MKX: variants seen among roughly 807,000 people sequenced by gnomAD.
The protein encoded by MKX is mohawk homeobox.
In MKX, 13 loss-of-function variants were observed where a neutral mutation model predicts 36.0. The ratio of observed to expected loss-of-function variants is 0.36; its 90% confidence interval spans 0.24 to 0.57. MKX has a LOEUF of 0.57. Among genes scored for constraint, MKX ranks in the 20% least tolerant of loss-of-function variants. The pLI is 0.79. For synonymous variants in MKX, 176 were observed against 178.3 expected, an observed-to-expected ratio of 0.99 and a Z score of 0.10; for missense variants, 458 against 456.4, an observed-to-expected ratio of 1.00 and a Z score of -0.03.
Position 27,736,806 on chromosome 10 carries a change from A to G in MKX, c.349-1432T>C, listed in dbSNP as rs182990984. Among the ~76,000 whole-genome samples, 9 of 152,228 alleles carry G rather than the reference A, an allele frequency of 5.9e-5. No homozygotes were observed. In the East Asian group the frequency reaches 1.7e-3, roughly 29 times the overall value. ...GTATTTAATATTCAATATAGTTAAT[A>G]TTGTCTTCTTTGTACCTGAAGCAAT... On this transcript the variant is annotated intron_variant, in intron 3 of 6. Transcript: ENST00000419761.
Position 27,673,640 on chromosome 10 carries a change from AATAT to A in MKX, c.*1585_*1588del, listed in dbSNP as rs3063015. The A allele has an allele frequency of 2.6e-5, 4 of 152,150 alleles. No individual in the cohort carries two copies. The East Asian group carries it at 5.8e-4, about 22-fold the overall frequency. 9.4% of individuals were successfully genotyped at this position (152,150 alleles called of 1,614,324 possible). On this transcript the variant is annotated 3_prime_UTR_variant, in exon 7 of 7. Transcript: ENST00000419761. ...ACAGCAATTTAGAAAACAAAGTAAA[AATAT>A]ATATATATACACAAAATATTTTTAT...
chr10:27,709,143 T>C (rs1836808846), intron 5 of MKX, among the ~76,000 whole-genome samples: 1 of 151,748 alleles, frequency 6.6e-6, no homozygotes, highest in African/African-American at 2.4e-5. Context: ...CACTCCAGCC[T>C]GGGTGACAAA....
chr10:27,678,217 G>T (rs560895410), intron 5 of MKX, among the ~76,000 whole-genome samples: 2 of 152,210 alleles, frequency 1.3e-5, no homozygotes, highest in East Asian at 1.9e-4. Flanking sequence ...CAGAGACAAG[G>T]CGCTACCAGA....
At position 27,674,226 on chromosome 10, in the gene MKX, T is replaced by G. The variant is rs1417223480; in HGVS notation, c.*1003A>C. The G allele has an allele frequency of 1.3e-5, 2 of 152,278 alleles. No individual in the cohort carries two copies. Among genetic ancestry groups the G allele is most frequent in the African/African-American group, 4.8e-5 (2 of 41,464 alleles). 9.4% of individuals were successfully genotyped at this position (152,278 alleles called of 1,614,324 possible). On this transcript the variant is annotated 3_prime_UTR_variant, in exon 7 of 7. Coordinates refer to ENST00000419761, the MANE Select transcript of MKX (RefSeq NM_173576.3). ...TAAATTTAAAAATCAATTTTATGTA[T>G]GTATATGTATAGCCGCACAGAGATA...
rs1564357157 is a variant in MKX at position 27,711,510 on chromosome 10, C to CT, written c.838+22945_838+22946insA. On this transcript the variant is annotated intron_variant, in intron 5 of 6. Transcript: ENST00000419761. ...CTCTCTCTCTCTTCTTTCCTTCCTT[C>CT]CTTCCTTCCTTCCTTCCTTCCTTCC... Among the ~76,000 whole-genome samples the CT allele has an allele frequency of 1.3e-3, 154 of 114,764 alleles. 3 individuals carry two copies. Among genetic ancestry groups the CT allele is most frequent in the African/African-American group, 6.5e-3 (148 of 22,820 alleles). 75.3% of individuals were successfully genotyped at this position (114,764 alleles called of 152,430 possible). A position where few individuals can be genotyped will look rare whatever the true frequency, so the allele number is the denominator to read the frequency against.
rs552406354 is a variant in MKX at position 27,684,964 on chromosome 10, T to C, written c.839-9410A>G. 2.6e-5 allele frequency among the ~76,000 whole-genome samples: 4 copies of C among 152,352 alleles called. No homozygotes were observed. The East Asian group carries it at 7.7e-4, about 29-fold the overall frequency. ...GTTAATATTTATTGAATGCTTATTC[T>C]ATGCCAGACACTATGCCAGAAACGA... On this transcript the variant is annotated intron_variant, in intron 5 of 6. Coordinates refer to ENST00000419761, the MANE Select transcript of MKX (RefSeq NM_173576.3).
In MKX at chr10:27,718,187, A is replaced by G. The variant is rs375514104; in HGVS notation, c.838+16269T>C. 2.6e-5 allele frequency among the ~76,000 whole-genome samples: 4 copies of G among 152,354 alleles called. No homozygotes were observed. In the East Asian group the frequency reaches 7.7e-4, roughly 29 times the overall value. ...GAATCTAAAGCGCTAAGCAAAGACA[A>G]TACACTGTATTATTACTAAGAAGAA... On this transcript the variant is annotated intron_variant, in intron 5 of 6. Coordinates refer to ENST00000419761, the MANE Select transcript of MKX (RefSeq NM_173576.3).
At chr10:27,728,810 C>T (rs1479600725) in intron 5 of MKX, among the ~76,000 whole-genome samples, 2 of 152,162 alleles carry the variant, frequency 1.3e-5, no homozygotes, top group African/African-American at 2.4e-5. Flanking sequence ...AACATTTTCT[C>T]CCCTGAGGGT....
chr10:27,722,732 G>A (rs1427657604), intron 5 of MKX, among the ~76,000 whole-genome samples: 1 of 152,132 alleles, frequency 6.6e-6, no homozygotes, highest in Non-Finnish European at 1.5e-5. Flanking sequence ...TGAAGGAGTG[G>A]GGACTTTACT....
Position 27,744,849 on chromosome 10 carries a change from C to T in MKX, c.-83+858G>A, listed in dbSNP as rs1835016011. 6.6e-6 allele frequency: 1 copy of T among 152,264 alleles called. No homozygotes were observed. The highest frequency in any genetic ancestry group is 1.5e-5 in the Non-Finnish European group (1 of 68,120). 9.4% of individuals were successfully genotyped at this position (152,264 alleles called of 1,614,324 possible). A position where few individuals can be genotyped will look rare whatever the true frequency, so the allele number is the denominator to read the frequency against. ...CATTTAGGACCACGCGTGACCACCG[C>T]GATCAAACGACGGCTACGGTCTGTG... On this transcript the variant is annotated intron_variant, in intron 1 of 6. Transcript: ENST00000419761. This position sits in a 1 kb window ranked among gnomAD's most constrained non-coding sequence, Gnocchi z 5.6.
At chr10:27,739,613 G>C (rs1834850878) in intron 3 of MKX, among the ~76,000 whole-genome samples, 1 of 152,046 alleles carries the variant, frequency 6.6e-6, no homozygotes, top group South Asian at 2.1e-4. Flanking sequence ...TTGTATTGCA[G>C]CTCAACAAAA....
At chr10:27,698,569 C>T (rs1169813410) in intron 5 of MKX, among the ~76,000 whole-genome samples, 1 of 151,886 alleles carries the variant, frequency 6.6e-6, no homozygotes, top group Non-Finnish European at 1.5e-5. Context: ...ACTGGGTGGT[C>T]GGCAACGGCA....
intron 5 of MKX, among the ~76,000 whole-genome samples, chr10:27,678,061 G>C (rs2637334): frequency 6.6e-6 from 1 of 152,090 alleles, no homozygotes. Context: ...CACTTACTAC[G>C]TGCCAGGCAC....
At chr10:27,739,216 G>A in intron 3 of MKX, among the ~76,000 whole-genome samples, 1 of 152,150 alleles carries the variant, frequency 6.6e-6, no homozygotes, top group South Asian at 2.1e-4. Context: ...TATTTTGAGA[G>A]TACAGAGTGT....
At chr10:27,696,604 AG>A (rs1455311596) in intron 5 of MKX, among the ~76,000 whole-genome samples, 5 of 152,162 alleles carry the variant, frequency 3.3e-5, no homozygotes, top group Non-Finnish European at 7.4e-5. Flanking sequence ...TCCTTGGAGA[AG>A]GTCACTTAAA....
chr10:27,714,587 A>G (rs954359657), intron 5 of MKX, among the ~76,000 whole-genome samples: 3 of 152,196 alleles, frequency 2.0e-5, no homozygotes, highest in Admixed American at 2.0e-4. Context: ...GATTTCAGTT[A>G]TATTTTACAA....
rs1834887538 is a variant in MKX at position 27,741,292 on chromosome 10, C to A, written c.348+53G>T. ...GCCACACGAACTCTAAGCGTTCCCG[C>A]TCTTCAGCCCCTCGCGGGAAAACGG... On this transcript the variant is annotated intron_variant, in intron 3 of 6. Coordinates refer to ENST00000419761, the MANE Select transcript of MKX (RefSeq NM_173576.3). The surrounding 1 kb of genome is among the most constrained non-coding windows in gnomAD (Gnocchi z 5.1). 6.2e-7 allele frequency: 1 copy of A among 1,603,178 alleles called. No homozygotes were observed. Among genetic ancestry groups the A allele is most frequent in the Non-Finnish European group, 8.5e-7 (1 of 1,175,862 alleles).
Position 27,718,524 on chromosome 10 carries a change from G to A in MKX, c.838+15932C>T, listed in dbSNP as rs536128350. 19 of 398,720 alleles carry A rather than the reference G, an allele frequency of 4.8e-5. No homozygotes were observed. The Middle Eastern group carries it at 1.1e-3, about 22-fold the overall frequency. 24.7% of individuals were successfully genotyped at this position (398,720 alleles called of 1,614,324 possible). A position where few individuals can be genotyped will look rare whatever the true frequency, so the allele number is the denominator to read the frequency against. ...TTGAAGGAAATATTGGCAAGAAGGA[G>A]TGGAATTCTTAGCTCCTTGTTTTTA... On this transcript the variant is annotated intron_variant, in intron 5 of 6. Transcript: ENST00000419761.
At position 27,741,303 on chromosome 10, in the gene MKX, C is replaced by T. The variant is rs1003617629; in HGVS notation, c.348+42G>A. 4.4e-6 allele frequency: 7 copies of T among 1,606,368 alleles called. No individual in the cohort carries two copies. The highest frequency in any genetic ancestry group is 5.9e-6 in the Non-Finnish European group (7 of 1,177,188). ...TCTAAGCGTTCCCGCTCTTCAGCCC[C>T]TCGCGGGAAAACGGATCAGGGTGTT... On this transcript the variant is annotated intron_variant, in intron 3 of 6. Transcript: ENST00000419761. This position sits in a 1 kb window ranked among gnomAD's most constrained non-coding sequence, Gnocchi z 5.1.
Sources: allele counts gnomAD v4.1 joint callset (sites outside exome capture counted in the v4.1 genomes callset), GRCh38; gene constraint gnomAD v4.1.1; non-coding constraint Gnocchi (gnomAD v3.1); transcripts MANE v1.5; gene names NCBI Gene and HGNC (gene_info 2026-07-23, HGNC 2026-07-21).